C8orf89: variants seen among roughly 807,000 people sequenced by gnomAD.
C8orf89 encodes the protein chromosome 8 open reading frame 89.
In C8orf89, 14 loss-of-function variants were observed where a neutral mutation model predicts 15.8. That is an observed-to-expected ratio of 0.89 (90% confidence interval 0.59 to 1.39). The LOEUF is 1.39. Ranked by LOEUF, C8orf89 falls within the 40% of genes most tolerant of loss-of-function variation. The pLI, the probability that C8orf89 is intolerant of heterozygous loss-of-function variation, is 0.00. For synonymous variants in C8orf89, 55 were observed against 62.2 expected (o/e 0.88, Z 0.54); for missense variants, 181 against 184.5 (o/e 0.98, Z 0.11).
chr8:73,282,286 A>G, the C8orf89 span, among the ~76,000 whole-genome samples: 11 of 152,386 alleles, frequency 7.2e-5, no homozygotes, highest in East Asian at 1.3e-3. Context: ...TACAACTATA[A>G]TACAAAGCGG....
the C8orf89 span, among the ~76,000 whole-genome samples, chr8:73,267,986 C>A: frequency 6.4e-4 from 98 of 152,200 alleles, 1 homozygote; most frequent in South Asian, 0.013. Flanking sequence ...TCTGATGAAG[C>A]CTTTAGATCT....
chr8:73,272,499 C>T, the C8orf89 span, among the ~76,000 whole-genome samples: 2 of 151,946 alleles, frequency 1.3e-5, no homozygotes, highest in Non-Finnish European at 2.9e-5. Flanking sequence ...TACATGTGCA[C>T]AACGTGCAGG....
chr8:73,269,491 A>G, the C8orf89 span, among the ~76,000 whole-genome samples: 1 of 152,240 alleles, frequency 6.6e-6, no homozygotes, highest in East Asian at 1.9e-4. Context: ...CATTCATTAT[A>G]GTCTGATCTG....
rs1291516696 is a variant in C8orf89, at chr8:73,250,278, C to T, written c.327G>A (p.Glu109=). Residue 109 remains glutamate (E), a synonymous_variant, in exon 3 of 4, where the codon GAG becomes GAA. Coordinates refer to ENST00000624510, the MANE Select transcript of C8orf89 (RefSeq NM_001243237.3). ...GACGAGTCAGCTTACCTTTTGATTT[C>T]TCCCAAAGTGGTGCCACACTGCATG... ...KETCSVAPLW[E]KSKGSGFSDP... The T allele has an allele frequency of 3.3e-6, 5 of 1,533,188 alleles. No individual in the cohort carries two copies. The African/African-American group carries it at 5.5e-5, about 17-fold the overall frequency. 95.0% of individuals were successfully genotyped at this position (1,533,188 alleles called of 1,614,324 possible).
At chr8:73,275,925 G>A in the C8orf89 span, among the ~76,000 whole-genome samples, 1 of 151,936 alleles carries the variant, frequency 6.6e-6, no homozygotes, top group Admixed American at 6.6e-5. Flanking sequence ...CCTAATATTT[G>A]AGTCTGATTT....
chr8:73,256,892 C>CTTTTTTGGCAACTTTGCAG, intron 2 of C8orf89, 81 bp downstream of exon 2: 1 of 883,316 alleles, frequency 1.1e-6, no homozygotes, highest in Non-Finnish European at 1.5e-6. Flanking sequence ...ATGCAATTCA[C>CTTTTTTGGCAACTTTGCAG]TGACCAGAAA....
chr8:73,241,923 G>A lies in C8orf89; in HGVS notation c.338-318C>T, dbSNP rs143892382. ...GGTGCTGGGAAAACTGGGTATTATG[G>A]ATATTATAAAACTGGAGATTATGCA... On this transcript the variant is annotated intron_variant, in intron 3 of 3. Coordinates refer to ENST00000624510, the MANE Select transcript of C8orf89 (RefSeq NM_001243237.3). 6.6e-5 allele frequency among the ~76,000 whole-genome samples: 10 copies of A among 152,076 alleles called. No homozygotes were observed. The South Asian group carries it at 1.0e-3, about 16-fold the overall frequency.
chr8:73,244,621 T>C (rs894184289), intron 3 of C8orf89, among the ~76,000 whole-genome samples: 2 of 152,002 alleles, frequency 1.3e-5, no homozygotes, highest in Admixed American at 1.3e-4. Flanking sequence ...AATTCTCCAG[T>C]GTAGTTGTTA....
intron 2 of C8orf89, among the ~76,000 whole-genome samples, chr8:73,255,131 A>G (rs1259909607): frequency 2.0e-5 from 3 of 151,564 alleles, no homozygotes; most frequent in Non-Finnish European, 4.4e-5. Flanking sequence ...ATCTAATTAA[A>G]CTAAAGAGCT....
chr8:73,273,081 C>A, the C8orf89 span, among the ~76,000 whole-genome samples: 1 of 152,218 alleles, frequency 6.6e-6, no homozygotes. Context: ...CTGATGGCAG[C>A]GGCAACCGGC....
chr8:73,276,501 G>A, the C8orf89 span, among the ~76,000 whole-genome samples: 3 of 152,114 alleles, frequency 2.0e-5, no homozygotes, highest in African/African-American at 7.2e-5. Context: ...TTTTATTAAA[G>A]TCAGAGGTGG....
At chr8:73,252,405 C>T (rs767330916) in intron 2 of C8orf89, among the ~76,000 whole-genome samples, 1 of 152,020 alleles carries the variant, frequency 6.6e-6, no homozygotes, top group Non-Finnish European at 1.5e-5. Context: ...ATTTTAAGTA[C>T]ACTAAAATCA....
intron 2 of C8orf89, among the ~76,000 whole-genome samples, chr8:73,251,407 A>G (rs1327974475): frequency 6.6e-6 from 1 of 152,234 alleles, no homozygotes; most frequent in African/African-American, 2.4e-5. Context: ...GCAATTTGAC[A>G]TGTTCTCACT....
chr8:73,249,340 T>A (rs1458894926), intron 3 of C8orf89, among the ~76,000 whole-genome samples: 1 of 152,160 alleles, frequency 6.6e-6, no homozygotes, highest in Non-Finnish European at 1.5e-5. Flanking sequence ...TGTTGAGGAT[T>A]TTTACATCAA....
the C8orf89 span, among the ~76,000 whole-genome samples, chr8:73,271,100 G>T: frequency 6.6e-6 from 1 of 152,170 alleles, no homozygotes; most frequent in Non-Finnish European, 1.5e-5. Flanking sequence ...GGATAAGGCA[G>T]CCATTTATTT....
chr8:73,269,519 T>C, the C8orf89 span, among the ~76,000 whole-genome samples: 5 of 152,222 alleles, frequency 3.3e-5, no homozygotes, highest in Non-Finnish European at 7.3e-5. Context: ...TGAGAAGCAA[T>C]GGCAGATGCA....
chr8:73,244,738 C>T (rs1237353053), intron 3 of C8orf89, among the ~76,000 whole-genome samples: 1 of 152,092 alleles, frequency 6.6e-6, no homozygotes, highest in Non-Finnish European at 1.5e-5. Context: ...CTTAGCAGTA[C>T]AATGGACTTG....
the C8orf89 span, among the ~76,000 whole-genome samples, chr8:73,280,076 A>G: frequency 2.6e-5 from 4 of 152,192 alleles, no homozygotes; most frequent in Non-Finnish European, 5.9e-5. Flanking sequence ...TCATACCACT[A>G]AGTTTTGGAG....
intron 2 of C8orf89, among the ~76,000 whole-genome samples, chr8:73,252,868 ACGG>A (rs1388491399): frequency 6.6e-6 from 1 of 152,144 alleles, no homozygotes; most frequent in Non-Finnish European, 1.5e-5. Context: ...TCGGCCGGGC[ACGG>A]TGGCTCACGC....
Sources: allele counts gnomAD v4.1 joint callset (sites outside exome capture counted in the v4.1 genomes callset), GRCh38; gene constraint gnomAD v4.1.1; transcripts MANE v1.5; gene names NCBI Gene and HGNC (gene_info 2026-07-23, HGNC 2026-07-21).